Variants in DLGAP4 observed in about 807,000 individuals in gnomAD.
DLGAP4 encodes the protein disks large-associated protein 4.
Under a neutral mutation model 86.9 loss-of-function variants are expected in DLGAP4, and 18 were observed. That is an observed-to-expected ratio of 0.21 (90% CI 0.14 to 0.31). The LOEUF is 0.31. Ranked by LOEUF, DLGAP4 falls within the 10% of genes least tolerant of loss-of-function variation. DLGAP4 has a pLI of 1.00. For missense variants in DLGAP4, 1,085 were observed against 1,362.6 expected, an observed-to-expected ratio of 0.80 and a Z score of 3.21; for synonymous variants, 548 against 574.3, an observed-to-expected ratio of 0.95 and a Z score of 0.65.
At chr20:36,372,650 A>C (rs928997787) in intron 2 of DLGAP4, among the ~76,000 whole-genome samples, 5 of 152,102 alleles carry the variant, frequency 3.3e-5, no homozygotes, top group African/African-American at 1.2e-4. Context: ...TGAATCATGG[A>C]ATCTTAGTCA....
intron 10 of DLGAP4, among the ~76,000 whole-genome samples, chr20:36,509,038 G>C (rs2036542421): frequency 6.6e-6 from 1 of 152,186 alleles, no homozygotes; most frequent in Non-Finnish European, 1.5e-5. Flanking sequence ...TACTAGAGAA[G>C]CTGTGCATAT....
intron 7 of DLGAP4, among the ~76,000 whole-genome samples, chr20:36,467,020 CTCTCTCTCT>C (rs2147644105): frequency 1.1e-4 from 1 of 8,800 alleles, no homozygotes; most frequent in East Asian, 3.0e-3. Context: ...TCTCTCTCCT[CTCTCTCTCT>C]CTCTCTCTCT....
intron 2 of DLGAP4, among the ~76,000 whole-genome samples, chr20:36,430,672 A>AAG (rs1555901514): frequency 3.1e-4 from 41 of 131,232 alleles, no homozygotes; most frequent in Non-Finnish European, 5.2e-4. Flanking sequence ...AAAAAAAAAA[A>AAG]GGCCAGGCAT....
rs76324381 is a variant in DLGAP4 at position 36,388,804 on chromosome 20, C to T, written c.-73+21529C>T. Among the ~76,000 whole-genome samples the T allele has an allele frequency of 9.0e-3, 1,363 of 152,260 alleles. 29 individuals are homozygous for T. The highest frequency in any genetic ancestry group is 0.031 in the African/African-American group (1,267 of 41,524). On this transcript the variant is annotated intron_variant, in intron 2 of 12. Coordinates refer to ENST00000339266, the MANE Select transcript of DLGAP4 (RefSeq NM_001365621.2). ...GTGATAGCTGTTCACACTTTTCCTG[C>T]GATTATTACTTCTTCATGATGCTCC...
At chr20:36,320,630 G>T (rs2065158755) in intron 1 of DLGAP4, among the ~76,000 whole-genome samples, 1 of 152,148 alleles carries the variant, frequency 6.6e-6, no homozygotes, top group Non-Finnish European at 1.5e-5. Flanking sequence ...CACTGTACTT[G>T]TCAGGGCTGG....
chr20:36,467,406 T>C (rs187578230), intron 7 of DLGAP4, among the ~76,000 whole-genome samples: 1 of 152,120 alleles, frequency 6.6e-6, no homozygotes, highest in Admixed American at 6.5e-5. Flanking sequence ...AGTATGCTAG[T>C]TTTGCTGAGG....
chr20:36,519,199 C>A (rs1309897294), intron 10 of DLGAP4, among the ~76,000 whole-genome samples: 1 of 151,918 alleles, frequency 6.6e-6, no homozygotes, highest in Admixed American at 6.6e-5. Flanking sequence ...GGATTGCGCA[C>A]GCACAGAAGG....
At chr20:36,516,996 G>A (rs2037077461) in intron 10 of DLGAP4, among the ~76,000 whole-genome samples, 1 of 151,702 alleles carries the variant, frequency 6.6e-6, no homozygotes, top group African/African-American at 2.4e-5. Context: ...GCTCACGCCT[G>A]ACCTCGTGAT....
chr20:36,496,581 G>A, intron 7 of DLGAP4, 124 bp from the exon 8 acceptor site: 1 of 1,436,280 alleles, frequency 7.0e-7, no homozygotes, highest in East Asian at 2.4e-5. Flanking sequence ...AATCCTTGCG[G>A]ACGGAATGGC....
chr20:36,329,748 T>C (rs1397307349), intron 1 of DLGAP4, among the ~76,000 whole-genome samples: 1 of 151,396 alleles, frequency 6.6e-6, no homozygotes, highest in Non-Finnish European at 1.5e-5. Context: ...AATACAAAAA[T>C]TAGGCCAGGT....
intron 7 of DLGAP4, chr20:36,462,448 T>C: frequency 6.5e-7 from 1 of 1,531,624 alleles, no homozygotes; most frequent in Non-Finnish European, 8.7e-7. Flanking sequence ...CCTGGGGCCC[T>C]TGGCCCCCCC....
chr20:36,525,953 T>C lies in DLGAP4; in HGVS notation c.2707T>C (p.Tyr903His). The C allele has an allele frequency of 1.2e-6, 2 of 1,613,940 alleles. No homozygotes were observed. The highest frequency in any genetic ancestry group is 1.3e-5 in the African/African-American group (1 of 74,958). ...TATCAGCATGAAGTTCGATGAACTCTACCACCTCAAGGCCAACAGCTGGCA... is the reference window on the plus strand; with the variant it reads ...TATCAGCATGAAGTTCGATGAACTCCACCACCTCAAGGCCAACAGCTGGCA... ...EDISMKFDELYHLKANSWQLV... is the reference protein window; with the variant it reads ...EDISMKFDELHHLKANSWQLV... The change falls in exon 12 of 13, where the codon TAC becomes CAC. Residue 903 changes from tyrosine (Y) to histidine (H), a missense_variant. Tyr to His is a moderately conservative substitution (Grantham distance 83). Around this residue, in one of 2 missense-constraint regions of DLGAP4, gnomAD observed 1,082 missense variants for 1,344.1 expected, o/e 0.81. Coordinates refer to ENST00000339266, the MANE Select transcript of DLGAP4 (RefSeq NM_001365621.2).
intron 1 of DLGAP4, among the ~76,000 whole-genome samples, chr20:36,329,016 T>A (rs782640459): frequency 6.6e-6 from 1 of 152,166 alleles, no homozygotes; most frequent in African/African-American, 2.4e-5. Flanking sequence ...CCTTGTGATC[T>A]GCCTGACTTG....
At chr20:36,465,477 G>T (rs1353748677) in intron 7 of DLGAP4, 1 of 152,480 alleles carries the variant, frequency 6.6e-6, no homozygotes, top group African/African-American at 2.4e-5. Context: ...ACAGCCCGCA[G>T]CGTTTCTCCA....
chr20:36,346,925 C>T (rs1160514969), intron 1 of DLGAP4, among the ~76,000 whole-genome samples: 1 of 152,172 alleles, frequency 6.6e-6, no homozygotes, highest in Non-Finnish European at 1.5e-5. Flanking sequence ...AGTACCTCGG[C>T]CCAAGACAGA....
intron 7 of DLGAP4, chr20:36,461,623 C>G (rs2034057157): frequency 2.1e-6 from 2 of 938,596 alleles, no homozygotes; most frequent in Admixed American, 6.4e-5. Context: ...CAGCGCCGCC[C>G]GGAGCAGCCG....
chr20:36,445,933 T>A, intron 6 of DLGAP4, among the ~76,000 whole-genome samples: 1 of 152,200 alleles, frequency 6.6e-6, no homozygotes, highest in East Asian at 1.9e-4. Context: ...GCTTCAGATT[T>A]TCAGGGTCCT....
In DLGAP4 at chr20:36,366,177, T is replaced by TGACACCATCTCGGCTCACTGC. The variant is rs1285923173; in HGVS notation, c.-303-867_-303-847dup. On this transcript the variant is annotated intron_variant, in intron 1 of 12. Transcript: ENST00000339266. ...CTCTGTCGCCCAGGCTGGAGTGCAG[T>TGACACCATCTCGGCTCACTGC]GACACCATCTCGGCTCACTGCAACC... is the stretch of plus-strand genomic sequence containing the variant. Among the ~76,000 whole-genome samples, 3 of 152,246 alleles carry TGACACCATCTCGGCTCACTGC rather than the reference T, an allele frequency of 2.0e-5. No homozygotes were observed. The East Asian group carries it at 5.8e-4, about 29-fold the overall frequency.
At chr20:36,514,337 A>G (rs2036911934) in intron 10 of DLGAP4, among the ~76,000 whole-genome samples, 1 of 152,190 alleles carries the variant, frequency 6.6e-6, no homozygotes, top group African/African-American at 2.4e-5. Flanking sequence ...ATTGGAGACC[A>G]CATGCATGGA....
Sources: allele counts gnomAD v4.1 joint callset (sites outside exome capture counted in the v4.1 genomes callset), GRCh38; gene constraint gnomAD v4.1.1; regional missense constraint gnomAD v4.1.1; transcripts MANE v1.5; gene names NCBI Gene and HGNC (gene_info 2026-07-23, HGNC 2026-07-21).